Variants in PDE4D observed in about 807,000 individuals in gnomAD.
PDE4D encodes the protein phosphodiesterase 4D.
A neutral mutation model predicts 87.4 loss-of-function variants in PDE4D; 24 were observed. The ratio of observed to expected loss-of-function variants is 0.27; its 90% CI spans 0.20 to 0.39. PDE4D has a LOEUF of 0.39. Among genes scored for constraint, PDE4D ranks in the 10% least tolerant of loss-of-function variants. The probability of loss-of-function intolerance (pLI) is 1.00; values close to 1 mark genes in which losing one functional copy is unlikely to be tolerated. For missense variants in PDE4D, 714 were observed against 1,041.0 expected, an observed-to-expected ratio of 0.69 and a Z score of 4.32; for synonymous variants, 384 against 383.2, an observed-to-expected ratio of 1.00 and a Z score of -0.02.
At chr5:60,373,479 A>G (rs983512435) in intron 1 of PDE4D, among the ~76,000 whole-genome samples, 4 of 152,166 alleles carry the variant, frequency 2.6e-5, no homozygotes, top group Non-Finnish European at 5.9e-5. Flanking sequence ...GAACTCAATG[A>G]TGACTTGCCT....
chr5:60,318,976 T>C (rs1217207548), intron 1 of PDE4D, among the ~76,000 whole-genome samples: 1 of 152,200 alleles, frequency 6.6e-6, no homozygotes, highest in Non-Finnish European at 1.5e-5. Flanking sequence ...GAGTTGCACT[T>C]CTTGAGGAGT....
At chr5:59,846,908 T>A (rs1174183717) in intron 1 of PDE4D, among the ~76,000 whole-genome samples, 1 of 152,034 alleles carries the variant, frequency 6.6e-6, no homozygotes, top group African/African-American at 2.4e-5. Context: ...CCCTCGATTT[T>A]TTAAAAAACA....
chr5:59,110,117 T>C lies in PDE4D; in HGVS notation c.808+70478A>G, dbSNP rs114042943. 4.1e-3 allele frequency among the ~76,000 whole-genome samples: 631 copies of C among 152,332 alleles called. 4 individuals are homozygous for C. Among genetic ancestry groups the C allele is most frequent in the Non-Finnish European group, 6.2e-3 (423 of 68,018 alleles). ...CCATGTTATGTACTATTTAGCATTCTAAACCTACCCATAAGAGGGAGAATG... is the reference window on the plus strand; with the variant it reads ...CCATGTTATGTACTATTTAGCATTCCAAACCTACCCATAAGAGGGAGAATG... On this transcript the variant is annotated intron_variant, in intron 5 of 14. Coordinates refer to ENST00000340635, the MANE Select transcript of PDE4D (RefSeq NM_001104631.2).
At chr5:60,257,505 G>T (rs1749216346) in intron 1 of PDE4D, among the ~76,000 whole-genome samples, 1 of 151,952 alleles carries the variant, frequency 6.6e-6, no homozygotes, top group Non-Finnish European at 1.5e-5. Flanking sequence ...TAAAGTGTCT[G>T]TCCTGTTTTC....
At chr5:60,438,827 T>TC (rs1186488614) in intron 1 of PDE4D, among the ~76,000 whole-genome samples, 1 of 152,112 alleles carries the variant, frequency 6.6e-6, no homozygotes, top group Non-Finnish European at 1.5e-5. Context: ...GCATTTTTTT[T>TC]CCTATGAGAT....
Position 59,929,099 on chromosome 5 carries a change from GTCTC to G in PDE4D, c.272+59385_272+59388del, listed in dbSNP as rs919035209. 1.2e-4 allele frequency among the ~76,000 whole-genome samples: 18 copies of G among 151,962 alleles called. 1 individual carries two copies. The Middle Eastern group carries it at 0.014, about 116-fold the overall frequency. On this transcript the variant is annotated intron_variant, in intron 3 of 16. Transcript: ENST00000502484. ...GTGTGTGTGTGTTATGTGTGTGTGT[GTCTC>G]TCTCTATATATAATTTTGACTTAAT...
intron 3 of PDE4D, among the ~76,000 whole-genome samples, chr5:59,959,655 C>T (rs939254005): frequency 2.6e-5 from 4 of 152,044 alleles, no homozygotes; most frequent in African/African-American, 9.7e-5. Flanking sequence ...ACTGGCTAAC[C>T]ACATGCAGAA....
rs1368024476 is a variant in PDE4D, at chr5:59,968,538, C to T, written c.272+19950G>A. On this transcript the variant is annotated intron_variant, in intron 3 of 16. Transcript: ENST00000502484. ...AGCATCATGCAATAATCCCATGTAACAAATCTGTACAAATACCCATATATC... is the reference window on the plus strand; with the variant it reads ...AGCATCATGCAATAATCCCATGTAATAAATCTGTACAAATACCCATATATC... 2.0e-5 allele frequency among the ~76,000 whole-genome samples: 3 copies of T among 152,032 alleles called. No individual in the cohort carries two copies. The East Asian group carries it at 5.8e-4, about 29-fold the overall frequency.
intron 1 of PDE4D, among the ~76,000 whole-genome samples, chr5:59,502,930 A>G (rs1227239073): frequency 2.0e-5 from 3 of 149,378 alleles, no homozygotes; most frequent in Non-Finnish European, 4.4e-5. Flanking sequence ...TTTTGCTGAA[A>G]TTGCTTTTAC....
chr5:60,514,050 A>G (rs898174189), intron 1 of PDE4D, among the ~76,000 whole-genome samples: 2 of 151,842 alleles, frequency 1.3e-5, no homozygotes, highest in Non-Finnish European at 2.9e-5. Flanking sequence ...AAGCCAACAG[A>G]TGGTTCTTTG....
intron 1 of PDE4D, among the ~76,000 whole-genome samples, chr5:60,335,899 T>C (rs576390721): frequency 8.5e-5 from 13 of 152,346 alleles, no homozygotes; most frequent in Non-Finnish European, 1.5e-4. Flanking sequence ...TTTTAAGTCA[T>C]TAACTGATAG....
chr5:59,988,544 G>C (rs774507089), exon 3 of PDE4D: 2 of 1,599,226 alleles, frequency 1.3e-6, no homozygotes, highest in East Asian at 4.5e-5. Context: ...GGGGGAGGCT[G>C]GTTGGTCGTT....
intron 5 of PDE4D, among the ~76,000 whole-genome samples, chr5:59,132,990 T>C (rs1305649928): frequency 6.6e-6 from 1 of 152,196 alleles, no homozygotes; most frequent in Non-Finnish European, 1.5e-5. Context: ...TGTCAAAGAA[T>C]ACATTGGGAT....
At chr5:59,173,248 T>C (rs746353522) in intron 5 of PDE4D, among the ~76,000 whole-genome samples, 8 of 152,162 alleles carry the variant, frequency 5.3e-5, no homozygotes, top group Non-Finnish European at 7.4e-5. Context: ...TCACTATTCT[T>C]AAAACAAGTC....
intron 3 of PDE4D, among the ~76,000 whole-genome samples, chr5:59,964,566 AC>A (rs1759803213): frequency 6.6e-6 from 1 of 152,084 alleles, no homozygotes; most frequent in African/African-American, 2.4e-5. Context: ...TGTCTTCTAT[AC>A]CCAAACATAA....
At chr5:60,501,158 A>G (rs1020439539) in intron 1 of PDE4D, among the ~76,000 whole-genome samples, 2 of 151,022 alleles carry the variant, frequency 1.3e-5, no homozygotes, top group African/African-American at 4.9e-5. Context: ...CGCTTCCCCC[A>G]CCCCACAACA....
chr5:59,411,656 A>T (rs751497755), intron 1 of PDE4D, among the ~76,000 whole-genome samples: 6 of 152,134 alleles, frequency 3.9e-5, no homozygotes, highest in Non-Finnish European at 8.8e-5. Flanking sequence ...TTATAAAGGT[A>T]TCATTCAGAT....
chr5:59,624,021 C>A (rs1275864729), intron 1 of PDE4D, among the ~76,000 whole-genome samples: 1 of 151,850 alleles, frequency 6.6e-6, no homozygotes, highest in East Asian at 1.9e-4. Flanking sequence ...TATCACTTTA[C>A]AGAAGAGAAA....
intron 5 of PDE4D, among the ~76,000 whole-genome samples, chr5:59,111,392 G>T (rs972512426): frequency 7.9e-5 from 12 of 152,098 alleles, no homozygotes; most frequent in African/African-American, 2.9e-4. Flanking sequence ...CTTATTCTCT[G>T]GGGAAATTCT....
Sources: allele counts gnomAD v4.1 joint callset (sites outside exome capture counted in the v4.1 genomes callset), GRCh38; gene constraint gnomAD v4.1.1; transcripts MANE v1.5; gene names NCBI Gene and HGNC (gene_info 2026-07-23, HGNC 2026-07-21).